The following CSMD3 variants were observed in gnomAD, a reference collection of about 807,000 sequenced individuals.
The protein encoded by CSMD3 is CUB and sushi domain-containing protein 3.
In CSMD3, 177 loss-of-function variants were observed where a neutral mutation model predicts 435.2. The observed-to-expected ratio is 0.41, with a 90% CI of 0.36 to 0.46. The LOEUF is 0.46. CSMD3 is among the 20% of genes least tolerant of loss of function. CSMD3 has a pLI of 0.34. For missense variants in CSMD3, 4,265 were observed against 4,504.6 expected (o/e 0.95, Z 1.52); for synonymous variants, 1,656 against 1,520.5 (o/e 1.09, Z -2.07).
At chr8:113,282,667 T>C (rs967072351) in intron 2 of CSMD3, among the ~76,000 whole-genome samples, 2 of 151,864 alleles carry the variant, frequency 1.3e-5, no homozygotes, top group African/African-American at 2.4e-5. Context: ...CCAAAAGCAA[T>C]CTACAAATTT....
chr8:113,391,281 T>TA, intron 1 of CSMD3, among the ~76,000 whole-genome samples: 1 of 152,016 alleles, frequency 6.6e-6, no homozygotes, highest in South Asian at 2.1e-4. Context: ...ACATTTCAAG[T>TA]AGTCAGATAC....
chr8:112,956,000 A>C (rs1177937388), intron 7 of CSMD3, among the ~76,000 whole-genome samples: 1 of 151,936 alleles, frequency 6.6e-6, no homozygotes, highest in Non-Finnish European at 1.5e-5. Context: ...AGGATAGTAG[A>C]GAAAGGGCCT....
intron 13 of CSMD3, among the ~76,000 whole-genome samples, chr8:112,707,571 GT>G (rs2076526041): frequency 6.6e-6 from 1 of 151,954 alleles, no homozygotes. Flanking sequence ...TGGAAAATTG[GT>G]GATGGGTATA....
intron 54 of CSMD3, among the ~76,000 whole-genome samples, chr8:112,295,083 CATG>C (rs2130707563): frequency 6.6e-6 from 1 of 152,146 alleles, no homozygotes; most frequent in Admixed American, 6.5e-5. Context: ...CCCCAGAGTT[CATG>C]ATATCATTCA....
At chr8:113,153,757 A>G (rs1013570511) in intron 4 of CSMD3, among the ~76,000 whole-genome samples, 15 of 152,184 alleles carry the variant, frequency 9.9e-5, no homozygotes, top group Middle Eastern at 3.4e-3. Context: ...TTTTTCTCAA[A>G]TTGAGTTGGA....
At chr8:113,235,373 G>A (rs1258585256) in intron 3 of CSMD3, among the ~76,000 whole-genome samples, 1 of 152,038 alleles carries the variant, frequency 6.6e-6, no homozygotes, top group African/African-American at 2.4e-5. Context: ...CATTCCAATA[G>A]CCATAACTTC....
At chr8:113,055,540 G>A (rs2088289430) in intron 5 of CSMD3, among the ~76,000 whole-genome samples, 1 of 152,154 alleles carries the variant, frequency 6.6e-6, no homozygotes, top group South Asian at 2.1e-4. Flanking sequence ...ATATTCTGCT[G>A]ACTCTCATGT....
intron 9 of CSMD3, among the ~76,000 whole-genome samples, chr8:112,924,251 T>C (rs2082839327): frequency 6.6e-6 from 1 of 152,144 alleles, no homozygotes; most frequent in African/African-American, 2.4e-5. Context: ...AAGAGTTTAG[T>C]TAACAAGCTG....
chr8:113,305,205 G>C (rs1004635298), intron 2 of CSMD3, among the ~76,000 whole-genome samples: 1 of 151,086 alleles, frequency 6.6e-6, no homozygotes, highest in Non-Finnish European at 1.5e-5. Flanking sequence ...AATGATAGAT[G>C]ATGAGTTAGT....
At chr8:112,600,839 A>C (rs1586778848) in intron 22 of CSMD3, among the ~76,000 whole-genome samples, 1 of 151,996 alleles carries the variant, frequency 6.6e-6, no homozygotes, top group African/African-American at 2.4e-5. Context: ...CACTACGCCC[A>C]GCTAATTTTA....
At chr8:112,422,136 A>G (rs1401282834) in intron 32 of CSMD3, among the ~76,000 whole-genome samples, 1 of 152,154 alleles carries the variant, frequency 6.6e-6, no homozygotes, top group Non-Finnish European at 1.5e-5. Flanking sequence ...AGAAAACTTA[A>G]GGTCAAACAC....
intron 22 of CSMD3, among the ~76,000 whole-genome samples, chr8:112,602,560 C>G (rs1320571284): frequency 9.0e-6 from 1 of 111,722 alleles, no homozygotes; most frequent in African/African-American, 4.2e-5. Flanking sequence ...GAGCAAAACT[C>G]TGTCTCAAAA....
At chr8:113,327,841 G>C (rs536538656) in intron 1 of CSMD3, among the ~76,000 whole-genome samples, 4 of 151,954 alleles carry the variant, frequency 2.6e-5, no homozygotes, top group South Asian at 4.2e-4. Context: ...ATTGGAACAA[G>C]AGCCTGGTCA....
intron 31 of CSMD3, among the ~76,000 whole-genome samples, chr8:112,485,031 G>A (rs767442348): frequency 1.9e-4 from 29 of 152,266 alleles, no homozygotes; most frequent in Non-Finnish European, 4.1e-4. Flanking sequence ...CATAGCAGCA[G>A]GGATTTGTTT....
chr8:112,637,091 T>C, intron 21 of CSMD3, 86 bp from the exon 22 acceptor site: 2 of 1,075,708 alleles, frequency 1.9e-6, no homozygotes, highest in East Asian at 2.4e-5. Flanking sequence ...ATATTCCTAT[T>C]GTTTTTAGAA....
intron 3 of CSMD3, among the ~76,000 whole-genome samples, chr8:113,241,613 AAAAG>A (rs1241307590): frequency 1.3e-5 from 2 of 151,896 alleles, no homozygotes. Flanking sequence ...TGAAAAAAAA[AAAAG>A]AATGTCTCAG....
At chr8:112,805,892 A>G (rs1375913378) in intron 12 of CSMD3, among the ~76,000 whole-genome samples, 1 of 152,188 alleles carries the variant, frequency 6.6e-6, no homozygotes, top group Non-Finnish European at 1.5e-5. Context: ...GTAAGTCATC[A>G]GCATGTTGAT....
chr8:113,314,008 A>G (rs2093890419), intron 2 of CSMD3: 1 of 152,166 alleles, frequency 6.6e-6, no homozygotes, highest in South Asian at 2.1e-4. Context: ...TAATTTTTAC[A>G]TCTGTTTAAT....
chr8:112,988,097 G>A (rs2085320103), intron 6 of CSMD3, among the ~76,000 whole-genome samples: 1 of 151,948 alleles, frequency 6.6e-6, no homozygotes, highest in East Asian at 1.9e-4. Context: ...GAAAATATGG[G>A]TTTGGACAAT....
Sources: gnomAD v4.1 joint callset for allele counts (sites outside exome capture counted in the v4.1 genomes callset) on GRCh38, gnomAD v4.1.1 for gene constraint, MANE v1.5 for transcripts, NCBI Gene and HGNC (gene_info 2026-07-23, HGNC 2026-07-21) for gene names.